The following MICAL3 variants were observed in gnomAD, a reference collection of about 807,000 sequenced individuals.
MICAL3 encodes the protein [F-actin]-monooxygenase MICAL3.
In MICAL3, 62 loss-of-function variants were observed where a neutral mutation model predicts 207.4. The observed-to-expected ratio is 0.30, with a 90% CI of 0.24 to 0.37. The LOEUF is 0.37. Ranked by LOEUF, MICAL3 falls within the 10% of genes least tolerant of loss-of-function variation. The pLI is 1.00. For synonymous variants in MICAL3, 1,077 were observed against 1,069.3 expected (o/e 1.01, Z -0.14); for missense variants, 2,368 against 2,635.6 (o/e 0.90, Z 2.22).
chr22:17,844,302 G>A (rs1924406144), intron 19 of MICAL3, among the ~76,000 whole-genome samples: 1 of 152,224 alleles, frequency 6.6e-6, no homozygotes, highest in Non-Finnish European at 1.5e-5. Context: ...CATCATACAA[G>A]CCAGTGTTGA....
chr22:17,841,674 G>T lies in MICAL3; in HGVS notation c.2801+148C>A. 1.4e-6 allele frequency: 1 copy of T among 723,378 alleles called. No homozygotes were observed. Among genetic ancestry groups the T allele is most frequent in the Admixed American group, 2.6e-5 (1 of 38,308 alleles). The allele number at this position is 723,378 out of a possible 1,614,324, so 44.8% of individuals were successfully genotyped here. A position where few individuals can be genotyped will look rare whatever the true frequency, so the allele number is the denominator to read the frequency against. Reference sequence around the variant, plus strand: ...CTCACTGACTAGAAGATGAGGCTAAGAACCTAAAAGGGACTGGGGAGAATG... The same window carrying T: ...CTCACTGACTAGAAGATGAGGCTAATAACCTAAAAGGGACTGGGGAGAATG... On this transcript the variant is annotated intron_variant, in intron 20 of 31. Transcript: ENST00000441493. This position sits in a 1 kb window ranked among gnomAD's most constrained non-coding sequence, Gnocchi z 4.2.
At position 17,808,705 on chromosome 22, in the gene MICAL3, A is replaced by G. The variant is rs1601941668; in HGVS notation, c.5650+139T>C. 2.6e-5 allele frequency: 18 copies of G among 685,864 alleles called. No individual in the cohort carries two copies. The East Asian group carries it at 4.6e-4, about 18-fold the overall frequency. 42.5% of individuals were successfully genotyped at this position (685,864 alleles called of 1,614,324 possible). A position where few individuals can be genotyped will look rare whatever the true frequency, so the allele number is the denominator to read the frequency against. On this transcript the variant is annotated intron_variant, in intron 29 of 31. Coordinates refer to ENST00000441493, the MANE Select transcript of MICAL3 (RefSeq NM_015241.3). ...TTCTTTTGCTTAACAGGAAGCCCCAAATCTCAGAGATGAAGGGCCCCAGAA... is the reference window on the plus strand; with the variant it reads ...TTCTTTTGCTTAACAGGAAGCCCCAGATCTCAGAGATGAAGGGCCCCAGAA...
In MICAL3 at chr22:18,024,440, C is replaced by T. The variant is rs1924675096; in HGVS notation, c.-234G>A. 6.6e-6 allele frequency: 1 copy of T among 152,126 alleles called. No individual in the cohort carries two copies. Among genetic ancestry groups the T allele is most frequent in the Non-Finnish European group, 1.5e-5 (1 of 68,006 alleles). The allele number at this position is 152,126 out of a possible 1,614,324, so 9.4% of individuals were successfully genotyped here. A position where few individuals can be genotyped will look rare whatever the true frequency, so the allele number is the denominator to read the frequency against. On this transcript the variant is annotated 5_prime_UTR_variant, in exon 1 of 32. Transcript: ENST00000441493. ...GCCTCGGGGGCTGCACAGCCCAGCC[C>T]CCTCGCCCAGGGCCCAGGGGTTCTC...
At chr22:17,965,184 A>AG (rs1935091032) in intron 1 of MICAL3, among the ~76,000 whole-genome samples, 2 of 28,112 alleles carry the variant, frequency 7.1e-5, no homozygotes, top group South Asian at 1.5e-3. Flanking sequence ...CCCCGTCTCC[A>AG]AAAAAAAAAA....
intron 1 of MICAL3, among the ~76,000 whole-genome samples, chr22:17,975,672 A>C (rs1458243441): frequency 6.6e-6 from 1 of 152,218 alleles, no homozygotes; most frequent in Non-Finnish European, 1.5e-5. Context: ...CACATTTTCA[A>C]GTCACCCCAA....
intron 1 of MICAL3, among the ~76,000 whole-genome samples, chr22:18,017,941 G>A (rs1924174753): frequency 6.6e-6 from 1 of 151,904 alleles, no homozygotes; most frequent in Non-Finnish European, 1.5e-5. Context: ...TAGTAGAGAT[G>A]AGGTTTCACC....
At chr22:17,922,155 C>T (rs753538789) in intron 1 of MICAL3, among the ~76,000 whole-genome samples, 4 of 136,256 alleles carry the variant, frequency 2.9e-5, no homozygotes, top group Non-Finnish European at 4.7e-5. Context: ...CACCTGGGTG[C>T]GTGCCTCCCC....
chr22:17,904,907 T>C (rs1177129574), intron 2 of MICAL3, 68 bp from the exon 3 acceptor site: 26 of 1,184,408 alleles, frequency 2.2e-5, no homozygotes, highest in African/African-American at 4.5e-5. Context: ...AGTCTCATGA[T>C]TGTAAGATCA....
At chr22:17,877,306 T>G (rs796203704) in intron 16 of MICAL3, among the ~76,000 whole-genome samples, 271 of 38,814 alleles carry the variant, frequency 7.0e-3, no homozygotes, top group Middle Eastern at 0.023. Context: ...AGGGAGGTTA[T>G]GGAGGTTAGG....
At chr22:17,799,190 C>A (rs1471669890) in intron 29 of MICAL3, among the ~76,000 whole-genome samples, 1 of 152,104 alleles carries the variant, frequency 6.6e-6, no homozygotes, top group Non-Finnish European at 1.5e-5. Context: ...CAAGACCAGG[C>A]TGGCCAACAT....
At chr22:18,001,510 C>A (rs572096741) in intron 1 of MICAL3, 1 of 152,446 alleles carries the variant, frequency 6.6e-6, no homozygotes, top group East Asian at 1.9e-4. Context: ...GCGGCGCAGC[C>A]GGGGGATGGG....
At position 17,877,593 on chromosome 22, in the gene MICAL3, A is replaced by C. The variant is rs987232192; in HGVS notation, c.2242-5570T>G. ...GGAGGTTAGGGAAGTTATGGAGGTTAGGGAGGTTATGGAGGATGGCAGCAG... is the reference window on the plus strand; with the variant it reads ...GGAGGTTAGGGAAGTTATGGAGGTTCGGGAGGTTATGGAGGATGGCAGCAG... On this transcript the variant is annotated intron_variant, in intron 16 of 31. Coordinates refer to ENST00000441493, the MANE Select transcript of MICAL3 (RefSeq NM_015241.3). Among the ~76,000 whole-genome samples the C allele has an allele frequency of 3.3e-5, 5 of 151,516 alleles. No homozygotes were observed. The East Asian group carries it at 9.7e-4, about 29-fold the overall frequency.
intron 1 of MICAL3, among the ~76,000 whole-genome samples, chr22:17,946,484 G>C (rs1934073371): frequency 6.6e-6 from 1 of 152,108 alleles, no homozygotes; most frequent in African/African-American, 2.4e-5. Context: ...ATCTTTGTAT[G>C]TGCAAAAGAT....
intron 19 of MICAL3, among the ~76,000 whole-genome samples, chr22:17,852,187 C>T (rs1390495010): frequency 6.6e-6 from 1 of 152,176 alleles, no homozygotes; most frequent in African/African-American, 2.4e-5. Flanking sequence ...GTTCAGATGC[C>T]TTTCTTTTAA....
At chr22:18,004,187 A>T (rs1220165525) in intron 1 of MICAL3, 1 of 152,296 alleles carries the variant, frequency 6.6e-6, no homozygotes, top group Non-Finnish European at 1.5e-5. Flanking sequence ...CTGCTAGCTT[A>T]CAGAGCTTCC....
At chr22:17,933,006 C>T (rs1243363801) in intron 1 of MICAL3, among the ~76,000 whole-genome samples, 1 of 152,120 alleles carries the variant, frequency 6.6e-6, no homozygotes, top group East Asian at 1.9e-4. Flanking sequence ...ACTTAGAATC[C>T]CACACAATAA....
intron 7 of MICAL3, 148 bp from the exon 8 acceptor site, chr22:17,897,129 G>C (rs955125041): frequency 1.2e-6 from 1 of 802,916 alleles, no homozygotes; most frequent in East Asian, 2.6e-5. Flanking sequence ...TAAAATGGGC[G>C]GGGGGAAAGG....
chr22:17,799,711 G>A (rs2145964100), intron 29 of MICAL3, among the ~76,000 whole-genome samples: 2 of 152,320 alleles, frequency 1.3e-5, no homozygotes, highest in Non-Finnish European at 1.5e-5. Flanking sequence ...TGGCTGGTGT[G>A]CAATACTGCA....
chr22:17,971,010 C>G (rs545108663), intron 1 of MICAL3, among the ~76,000 whole-genome samples: 1 of 152,022 alleles, frequency 6.6e-6, no homozygotes, highest in Non-Finnish European at 1.5e-5. Flanking sequence ...GGCAAAACCC[C>G]GCCTCTGCCA....
Sources: allele counts gnomAD v4.1 joint callset (sites outside exome capture counted in the v4.1 genomes callset), GRCh38; gene constraint gnomAD v4.1.1; non-coding constraint Gnocchi (gnomAD v3.1); transcripts MANE v1.5; gene names NCBI Gene and HGNC (gene_info 2026-07-23, HGNC 2026-07-21).